Variants in DPP4 observed in about 807,000 individuals in gnomAD.
DPP4 encodes the protein dipeptidyl peptidase 4.
A neutral mutation model predicts 122.4 loss-of-function variants in DPP4; 93 were observed. The ratio of observed to expected loss-of-function variants is 0.76; its 90% CI spans 0.64 to 0.90. The LOEUF is 0.90. Ranked by LOEUF, DPP4 falls within the 40% of genes least tolerant of loss-of-function variation. DPP4 has a pLI of 0.00. For synonymous variants in DPP4, 321 were observed against 302.9 expected (o/e 1.06, Z -0.62); for missense variants, 914 against 907.3 (o/e 1.01, Z -0.09).
At chr2:162,002,910 A>G (rs1028023764) in intron 23 of DPP4, among the ~76,000 whole-genome samples, 1 of 152,218 alleles carries the variant, frequency 6.6e-6, no homozygotes, top group Non-Finnish European at 1.5e-5. Context: ...ACATAGATTC[A>G]GTTCTCCACA....
Position 162,028,475 on chromosome 2 carries a change from G to T in DPP4, c.888-3536C>A, listed in dbSNP as rs188168725. ...GATTATCATCTATGCTTTGCATACTGCATGCTGCTTTTATTCTGCAAAAAC... is the reference window on the plus strand; with the variant it reads ...GATTATCATCTATGCTTTGCATACTTCATGCTGCTTTTATTCTGCAAAAAC... On this transcript the variant is annotated intron_variant, in intron 10 of 25. Transcript: ENST00000360534. Among the ~76,000 whole-genome samples, 16 of 152,308 alleles carry T rather than the reference G, an allele frequency of 1.1e-4. No homozygotes were observed. The East Asian group carries it at 3.1e-3, about 29-fold the overall frequency.
chr2:162,022,339 T>G (rs1176027006), intron 12 of DPP4, among the ~76,000 whole-genome samples: 1 of 151,954 alleles, frequency 6.6e-6, no homozygotes, highest in Non-Finnish European at 1.5e-5. Flanking sequence ...TGCTGCTGAG[T>G]TTTTCTGCTT....
At chr2:162,061,243 T>G (rs1016353390) in intron 2 of DPP4, among the ~76,000 whole-genome samples, 13 of 152,174 alleles carry the variant, frequency 8.5e-5, no homozygotes, top group Non-Finnish European at 1.6e-4. Context: ...ACTTCTGCTC[T>G]GTGGTTAAGG....
rs1182815771 is a variant in DPP4 at position 162,039,091 on chromosome 2, C to A, written c.419+41G>T. 3 of 1,610,432 alleles carry A rather than the reference C, an allele frequency of 1.9e-6. No individual in the cohort carries two copies. In the East Asian group the frequency reaches 6.7e-5, roughly 36 times the overall value. ...CATTGGGGTTTCCTTAAAAATATGA[C>A]AGTAGGAAAGCCTAATAGATTTTAT... On this transcript the variant is annotated intron_variant, in intron 6 of 25. Coordinates refer to ENST00000360534, the MANE Select transcript of DPP4 (RefSeq NM_001935.4).
chr2:162,024,839 A>G lies in DPP4; in HGVS notation c.988T>C (p.Tyr330His). ...QNYSVMDICD[Y>H]DESSGRWNCL... ...TTCCATCTTCCACTGGATTCATCAT[A>G]GTCACAAATATCCATGACCGAATAG... Residue 330 changes from tyrosine (Y) to histidine (H), a missense_variant, in exon 11 of 26, where the codon TAT (tyrosine) becomes CAT (histidine). Tyr to His is a moderately conservative substitution (Grantham distance 83). Coordinates refer to ENST00000360534, the MANE Select transcript of DPP4 (RefSeq NM_001935.4). 1 of 1,613,948 alleles carries G rather than the reference A, an allele frequency of 6.2e-7. No homozygotes were observed. The highest frequency in any genetic ancestry group is 8.5e-7 in the Non-Finnish European group (1 of 1,180,028).
intron 22 of DPP4, among the ~76,000 whole-genome samples, chr2:162,006,770 C>A (rs1280046007): frequency 1.3e-5 from 2 of 152,026 alleles, no homozygotes; most frequent in Non-Finnish European, 2.9e-5. Flanking sequence ...AAAAATCTGA[C>A]ATAACTGCTT....
rs1362547293 is a variant in DPP4, at chr2:162,057,083, G to A, written c.95-9582C>T. 4.3e-3 allele frequency among the ~76,000 whole-genome samples: 660 copies of A among 152,238 alleles called. 7 individuals are homozygous for A. The highest frequency in any genetic ancestry group is 0.015 in the African/African-American group (625 of 41,550). On this transcript the variant is annotated intron_variant, in intron 2 of 25. Transcript: ENST00000360534. ...AACAGCACCCATTCCCTAGGTCCCT[G>A]CCTGCCAAATCATCCTTAAAAACCC...
chr2:162,066,245 C>T (rs767729536), intron 2 of DPP4, among the ~76,000 whole-genome samples: 12 of 151,990 alleles, frequency 7.9e-5, no homozygotes, highest in African/African-American at 2.2e-4. Context: ...ATACATCCTG[C>T]GTTTCTTTTT....
intron 2 of DPP4, among the ~76,000 whole-genome samples, chr2:162,061,896 C>T (rs527359065): frequency 1.3e-5 from 2 of 152,238 alleles, no homozygotes; most frequent in African/African-American, 4.8e-5. Flanking sequence ...TAGGTGGTAA[C>T]AAGTGCCATG....
chr2:161,997,948 G>A (rs1701047812), intron 23 of DPP4, among the ~76,000 whole-genome samples: 1 of 152,168 alleles, frequency 6.6e-6, no homozygotes, highest in African/African-American at 2.4e-5. Context: ...TGCTTATGAT[G>A]TGATCTTCTG....
At position 162,002,553 on chromosome 2, in the gene DPP4, A is replaced by C. The variant is rs548336115; in HGVS notation, c.2052+3192T>G. On this transcript the variant is annotated intron_variant, in intron 23 of 25. Coordinates refer to ENST00000360534, the MANE Select transcript of DPP4 (RefSeq NM_001935.4). ...TCCAGACTAAACGTGAACCGCTTTA[A>C]AAATATTTCCTTCTGATCCACTGAA... 2.0e-5 allele frequency among the ~76,000 whole-genome samples: 3 copies of C among 152,306 alleles called. No individual in the cohort carries two copies. In the South Asian group the frequency reaches 6.2e-4, roughly 32 times the overall value.
intron 23 of DPP4, among the ~76,000 whole-genome samples, chr2:162,004,604 C>T (rs188320175): frequency 3.3e-5 from 5 of 152,026 alleles, no homozygotes; most frequent in South Asian, 2.1e-4. Context: ...CACACACACG[C>T]ACACACACAC....
chr2:162,042,621 TAA>T (rs777356455), intron 5 of DPP4, among the ~76,000 whole-genome samples: 35 of 139,840 alleles, frequency 2.5e-4, no homozygotes, highest in Admixed American at 2.8e-4. Flanking sequence ...CTCTTGAAAG[TAA>T]AAAAAAAAAA....
intron 2 of DPP4, among the ~76,000 whole-genome samples, chr2:162,071,665 T>C (rs994108328): frequency 1.3e-5 from 2 of 152,200 alleles, no homozygotes; most frequent in Non-Finnish European, 2.9e-5. Flanking sequence ...AGTAGTTATA[T>C]GGAAACAAGT....
At position 162,024,892 on chromosome 2, in the gene DPP4, G is replaced by T; in HGVS notation, c.935C>A (p.Ser312Tyr). The T allele has an allele frequency of 6.2e-7, 1 of 1,613,866 alleles. No individual in the cohort carries two copies. The change falls in exon 11 of 26, where the codon TCT becomes TAT. Residue 312 changes from serine to tyrosine, a missense_variant. Physicochemically the swap from Ser to Tyr is moderately radical, Grantham distance 144 (BLOSUM62 -2). Coordinates refer to ENST00000360534, the MANE Select transcript of DPP4 (RefSeq NM_001935.4). ...CTGAATCCTCCTGAGCCACTGCAAAGAAATTCTTTCTTGTGTTGCCCATGT... is the reference window on the plus strand; with the variant it reads ...CTGAATCCTCCTGAGCCACTGCAAATAAATTCTTTCTTGTGTTGCCCATGT... Reference protein sequence around the residue: ...DVTWATQERISLQWLRRIQNY... With the variant: ...DVTWATQERIYLQWLRRIQNY...
chr2:161,996,655 T>G (rs1416699291), intron 23 of DPP4, among the ~76,000 whole-genome samples: 3 of 152,220 alleles, frequency 2.0e-5, no homozygotes, highest in Non-Finnish European at 4.4e-5. Flanking sequence ...TCAGTTACCT[T>G]CAGTATAGTA....
At chr2:162,007,266 G>A (rs1032406007) in intron 22 of DPP4, among the ~76,000 whole-genome samples, 1 of 151,934 alleles carries the variant, frequency 6.6e-6, no homozygotes, top group African/African-American at 2.4e-5. Flanking sequence ...GGGAAAAATG[G>A]CTTTTAAGGG....
intron 2 of DPP4, among the ~76,000 whole-genome samples, chr2:162,058,111 C>T (rs1245104193): frequency 1.3e-5 from 2 of 152,062 alleles, no homozygotes; most frequent in Non-Finnish European, 2.9e-5. Context: ...CCACGCCTGG[C>T]CTCTAGTGTG....
At chr2:162,013,856 G>T (rs1412005434) in intron 19 of DPP4, among the ~76,000 whole-genome samples, 1 of 152,186 alleles carries the variant, frequency 6.6e-6, no homozygotes, top group Non-Finnish European at 1.5e-5. Context: ...TGGAATTCAT[G>T]TGAGTTCACA....
Sources: allele counts gnomAD v4.1 joint callset (sites outside exome capture counted in the v4.1 genomes callset), GRCh38; gene constraint gnomAD v4.1.1; transcripts MANE v1.5; gene names NCBI Gene and HGNC (gene_info 2026-07-23, HGNC 2026-07-21).